GRID1: variants seen among roughly 807,000 people sequenced by gnomAD.
The protein encoded by GRID1 is glutamate ionotropic receptor delta type subunit 1.
In GRID1, 28 loss-of-function variants were observed where a neutral mutation model predicts 98.0. The observed-to-expected ratio is 0.29, with a 90% CI of 0.21 to 0.39. The LOEUF is 0.39. Ranked by LOEUF, GRID1 falls within the 10% of genes least tolerant of loss-of-function variation. The pLI, the probability that GRID1 is intolerant of heterozygous loss-of-function variation, is 1.00. For missense variants in GRID1, 1,111 were observed against 1,340.5 expected (o/e 0.83, Z 2.67); for synonymous variants, 553 against 538.5 (o/e 1.03, Z -0.37).
intron 3 of GRID1, among the ~76,000 whole-genome samples, chr10:86,153,953 G>A (rs1021281297): frequency 2.0e-5 from 3 of 152,124 alleles, no homozygotes; most frequent in Admixed American, 1.3e-4. Flanking sequence ...ACCATCCTCG[G>A]GCTGATCCAT....
intron 14 of GRID1, among the ~76,000 whole-genome samples, chr10:85,618,119 C>T (rs956193790): frequency 1.3e-5 from 2 of 152,330 alleles, no homozygotes; most frequent in East Asian, 1.9e-4. Context: ...AGCCAAGACC[C>T]GGGTTCCTGG....
At chr10:85,825,096 T>C (rs1842807254) in intron 8 of GRID1, among the ~76,000 whole-genome samples, 1 of 152,254 alleles carries the variant, frequency 6.6e-6, no homozygotes, top group Non-Finnish European at 1.5e-5. Context: ...GGTCTACTTT[T>C]AGTTTTTTGA....
At chr10:86,060,745 C>T (rs1268298715) in intron 4 of GRID1, among the ~76,000 whole-genome samples, 1 of 152,144 alleles carries the variant, frequency 6.6e-6, no homozygotes, top group African/African-American at 2.4e-5. Context: ...CCAGAGGACA[C>T]GGCACCTAGT....
intron 8 of GRID1, among the ~76,000 whole-genome samples, chr10:85,785,486 G>A (rs1034025864): frequency 2.0e-5 from 3 of 152,202 alleles, no homozygotes; most frequent in East Asian, 1.9e-4. Flanking sequence ...CAGCTCTGCC[G>A]TGGCAGGCTT....
At chr10:86,223,520 G>T (rs1455340457) in intron 2 of GRID1, among the ~76,000 whole-genome samples, 3 of 152,216 alleles carry the variant, frequency 2.0e-5, no homozygotes, top group Non-Finnish European at 4.4e-5. Context: ...ATGGTGCAGG[G>T]AGCTTTCCCA....
intron 8 of GRID1, among the ~76,000 whole-genome samples, chr10:85,790,322 G>A (rs376314318): frequency 4.6e-5 from 7 of 152,232 alleles, no homozygotes; most frequent in East Asian, 1.9e-4. Flanking sequence ...ATGACACAGA[G>A]GCTGCCAAGC....
intron 2 of GRID1, among the ~76,000 whole-genome samples, chr10:86,343,268 CA>C (rs1848336640): frequency 6.6e-6 from 1 of 151,972 alleles, no homozygotes; most frequent in South Asian, 2.1e-4. Flanking sequence ...AATCATTTAA[CA>C]AAAAAATCTG....
chr10:85,838,179 T>C (rs574703863), intron 8 of GRID1, among the ~76,000 whole-genome samples: 1 of 152,232 alleles, frequency 6.6e-6, no homozygotes, highest in Non-Finnish European at 1.5e-5. Flanking sequence ...ACCAAACCTA[T>C]GACTGACTTG....
chr10:85,852,027 G>T (rs540884034), intron 8 of GRID1, among the ~76,000 whole-genome samples: 2 of 151,996 alleles, frequency 1.3e-5, no homozygotes, highest in East Asian at 3.9e-4. Flanking sequence ...CCATGATACG[G>T]TCCTAATCCC....
At chr10:85,972,243 G>C (rs889669797) in intron 4 of GRID1, among the ~76,000 whole-genome samples, 2 of 150,490 alleles carry the variant, frequency 1.3e-5, no homozygotes, top group African/African-American at 4.9e-5. Context: ...TTTTTCCCCC[G>C]GTACAGCTAG....
At chr10:85,632,718 A>G (rs1408651886) in intron 13 of GRID1, among the ~76,000 whole-genome samples, 2 of 151,920 alleles carry the variant, frequency 1.3e-5, no homozygotes, top group African/African-American at 2.4e-5. Flanking sequence ...TAATTTTGGT[A>G]TTTTTTAAAA....
chr10:85,977,850 C>T (rs1350749468), intron 4 of GRID1, among the ~76,000 whole-genome samples: 4 of 152,166 alleles, frequency 2.6e-5, no homozygotes, highest in Admixed American at 2.6e-4. Flanking sequence ...AATGCCAAGC[C>T]CAACACTAAT....
rs1268773211 is a variant in GRID1 at position 85,601,902 on chromosome 10, C to A, written c.*371G>T. The A allele has an allele frequency of 1.6e-5, 3 of 193,548 alleles. No individual in the cohort carries two copies. The highest frequency in any genetic ancestry group is 3.1e-5 in the Non-Finnish European group (3 of 95,296). The allele number at this position is 193,548 out of a possible 1,614,324, so 12.0% of individuals were successfully genotyped here. ...GTGGGGTTCCTCGTCTTCCCTTCTC[C>A]CCCAGCAGAGAGGGGCTCCTTATCT... On this transcript the variant is annotated 3_prime_UTR_variant, in exon 16 of 16. Transcript: ENST00000327946.
At chr10:85,767,307 A>G (rs1363022144) in intron 8 of GRID1, among the ~76,000 whole-genome samples, 21 of 151,894 alleles carry the variant, frequency 1.4e-4, no homozygotes, top group Admixed American at 1.4e-3. Flanking sequence ...ATCACCCCCA[A>G]TCCTATCCCC....
intron 4 of GRID1, among the ~76,000 whole-genome samples, chr10:85,993,186 G>A (rs1842702460): frequency 6.6e-6 from 1 of 152,300 alleles, no homozygotes; most frequent in South Asian, 2.1e-4. Context: ...CAGGGTATTT[G>A]CTGGCCTCAG....
Position 86,166,952 on chromosome 10 carries a change from G to A in GRID1, c.521-27928C>T, listed in dbSNP as rs562727387. 5.9e-5 allele frequency among the ~76,000 whole-genome samples: 9 copies of A among 152,240 alleles called. 1 individual carries two copies. In the South Asian group the frequency reaches 1.7e-3, roughly 28 times the overall value. ...CCTGCCTTTGCATTCAGGAACTTAC[G>A]GGCATTGCTACTTTTCTTCTGCAGC... On this transcript the variant is annotated intron_variant, in intron 3 of 15. Transcript: ENST00000327946.
rs1320524770 is a variant in GRID1 at position 85,618,670 on chromosome 10, C to T, written c.2360+1197G>A. Among the ~76,000 whole-genome samples the T allele has an allele frequency of 2.0e-5, 3 of 152,218 alleles. No individual in the cohort carries two copies. The East Asian group carries it at 5.8e-4, about 29-fold the overall frequency. On this transcript the variant is annotated intron_variant, in intron 14 of 15. Transcript: ENST00000327946. ...TGGACTGGTTGCAGGCCCTCCTCCT[C>T]AGCCTTCCCTTGGTGGGGCTGAGGT...
chr10:85,968,995 G>A (rs1201640675), intron 4 of GRID1, among the ~76,000 whole-genome samples: 1 of 152,088 alleles, frequency 6.6e-6, no homozygotes, highest in African/African-American at 2.4e-5. Context: ...AAAACAATGG[G>A]AAAATATGTA....
chr10:86,295,090 G>A (rs986685951), intron 2 of GRID1, among the ~76,000 whole-genome samples: 2 of 152,214 alleles, frequency 1.3e-5, no homozygotes, highest in African/African-American at 2.4e-5. Context: ...GCGCACAGGA[G>A]CAATGGAGAG....
Sources: allele counts gnomAD v4.1 joint callset (sites outside exome capture counted in the v4.1 genomes callset), GRCh38; gene constraint gnomAD v4.1.1; transcripts MANE v1.5; gene names NCBI Gene and HGNC (gene_info 2026-07-23, HGNC 2026-07-21).